Variants in SPOCK3 observed in about 807,000 individuals in gnomAD.
SPOCK3 encodes the protein testican-3.
SPOCK3 carries 30 observed loss-of-function variants against 56.6 expected under a neutral mutation model. That is an observed-to-expected ratio of 0.53 (90% CI 0.40 to 0.72). SPOCK3 has a LOEUF of 0.72. Ranked by LOEUF, SPOCK3 falls within the 30% of genes least tolerant of loss-of-function variation. SPOCK3 has a pLI of 0.00. For synonymous variants in SPOCK3, 196 were observed against 183.3 expected, an observed-to-expected ratio of 1.07 and a Z score of -0.56; for missense variants, 527 against 530.0, an observed-to-expected ratio of 0.99 and a Z score of 0.06.
At chr4:167,143,673 CAA>C (rs1483795349) in intron 2 of SPOCK3, among the ~76,000 whole-genome samples, 1 of 151,794 alleles carries the variant, frequency 6.6e-6, no homozygotes, top group Admixed American at 6.6e-5. Context: ...GCATCTTATA[CAA>C]AAAATACGGT....
chr4:166,819,359 G>A (rs1003578750), intron 6 of SPOCK3, among the ~76,000 whole-genome samples: 8 of 151,964 alleles, frequency 5.3e-5, no homozygotes, highest in Admixed American at 1.3e-4. Flanking sequence ...CATAGTGATG[G>A]GGCTTTCAGT....
intron 3 of SPOCK3, among the ~76,000 whole-genome samples, chr4:167,037,494 G>GAAA (rs34198420): frequency 2.8e-4 from 40 of 141,816 alleles, no homozygotes; most frequent in Admixed American, 1.4e-3. Flanking sequence ...AAAAGAAGAA[G>GAAA]AAAAAAAAAA....
At chr4:167,129,131 A>G (rs1216762012) in intron 2 of SPOCK3, among the ~76,000 whole-genome samples, 1 of 152,244 alleles carries the variant, frequency 6.6e-6, no homozygotes, top group East Asian at 1.9e-4. Flanking sequence ...CCTTTGAGAC[A>G]TGTAAAAGCA....
At position 166,748,899 on chromosome 4, in the gene SPOCK3, C is replaced by T. The variant is rs571763182; in HGVS notation, c.931+5609G>A. Among the ~76,000 whole-genome samples the T allele has an allele frequency of 4.4e-5, 6 of 137,830 alleles. 1 individual carries two copies. The highest frequency in any genetic ancestry group is 1.4e-4 in the Admixed American group (2 of 14,404). The allele number at this position is 137,830 out of a possible 152,430, so 90.4% of individuals were successfully genotyped here. A position where few individuals can be genotyped will look rare whatever the true frequency, so the allele number is the denominator to read the frequency against. ...GACACAGAAAAAATGCTCATCATCA[C>T]TGGCCATCAGGGAAATGCATATCAA... On this transcript the variant is annotated intron_variant, in intron 8 of 10. Transcript: ENST00000357545.
intron 4 of SPOCK3, among the ~76,000 whole-genome samples, chr4:166,920,808 A>G (rs1738397076): frequency 6.6e-6 from 1 of 152,192 alleles, no homozygotes; most frequent in South Asian, 2.1e-4. Flanking sequence ...ATTGTGAAAA[A>G]TTCTTTTAAT....
intron 2 of SPOCK3, among the ~76,000 whole-genome samples, chr4:167,190,993 T>C (rs1489515011): frequency 1.4e-5 from 2 of 145,826 alleles, no homozygotes; most frequent in African/African-American, 2.6e-5. Context: ...TCTGTTTTTA[T>C]GCCAGAACAT....
chr4:167,011,316 C>T (rs1451245511), intron 3 of SPOCK3: 5 of 455,926 alleles, frequency 1.1e-5, no homozygotes, highest in Admixed American at 9.4e-5. Context: ...GAAATGTCAT[C>T]AGTTGATTCA....
At chr4:166,789,196 A>G (rs2054143) in intron 7 of SPOCK3, among the ~76,000 whole-genome samples, 150,896 of 152,124 alleles carry the variant, frequency 0.99, 74,845 homozygotes, top group East Asian at 1. Context: ...TTGGGAAGCC[A>G]AGGCGGGCAG....
chr4:167,209,100 A>G (rs1734621531), intron 2 of SPOCK3, among the ~76,000 whole-genome samples: 1 of 152,124 alleles, frequency 6.6e-6, no homozygotes, highest in Admixed American at 6.6e-5. Context: ...CACTAAAGAC[A>G]GAAGGGCATC....
intron 4 of SPOCK3, among the ~76,000 whole-genome samples, chr4:166,955,983 C>T (rs934160051): frequency 2.6e-5 from 4 of 151,978 alleles, no homozygotes; most frequent in African/African-American, 9.7e-5. Flanking sequence ...TCTTCAATGG[C>T]TTTTGTTCCT....
chr4:166,890,767 G>A (rs951268419), intron 5 of SPOCK3, among the ~76,000 whole-genome samples: 12 of 151,872 alleles, frequency 7.9e-5, no homozygotes, highest in South Asian at 2.1e-4. Context: ...TGTCTATTAG[G>A]TCCGCTTGGT....
intron 2 of SPOCK3, among the ~76,000 whole-genome samples, chr4:167,199,400 A>G (rs141644746): frequency 7.9e-5 from 12 of 152,076 alleles, no homozygotes; most frequent in Non-Finnish European, 1.5e-4. Context: ...GCCTAACCCA[A>G]AGGTACACTC....
At chr4:166,874,046 G>A (rs117153025) in intron 6 of SPOCK3, among the ~76,000 whole-genome samples, 1 of 152,226 alleles carries the variant, frequency 6.6e-6, no homozygotes, top group East Asian at 1.9e-4. Flanking sequence ...AAATGATCTT[G>A]GGAGATTGAA....
chr4:167,226,293 C>T (rs974730491), intron 2 of SPOCK3, among the ~76,000 whole-genome samples: 1 of 152,070 alleles, frequency 6.6e-6, no homozygotes, highest in African/African-American at 2.4e-5. Flanking sequence ...TACTTACTAC[C>T]AAACTCCTAC....
chr4:167,234,391 G>A lies in SPOCK3; in HGVS notation c.-1+59C>T. ...CCAGAGGAGGAGAGGTGGGTATAAG[G>A]AAGCAAGCCCCAGCCGCAGCAGCCC... is the stretch of plus-strand genomic sequence containing the variant. On this transcript the variant is annotated intron_variant, in intron 1 of 10. Coordinates refer to ENST00000357545, the MANE Select transcript of SPOCK3 (RefSeq NM_001040159.2). 7 of 592,902 alleles carry A rather than the reference G, an allele frequency of 1.2e-5. No individual in the cohort carries two copies. The South Asian group carries it at 1.5e-4, about 12-fold the overall frequency. 36.7% of individuals were successfully genotyped at this position (592,902 alleles called of 1,614,324 possible).
At chr4:166,962,523 G>T (rs60018448) in intron 4 of SPOCK3, among the ~76,000 whole-genome samples, 8,198 of 152,124 alleles carry the variant, frequency 0.054, 717 homozygotes, top group African/African-American at 0.19. Flanking sequence ...TAGTTAACAA[G>T]AATGCCATTT....
intron 3 of SPOCK3, among the ~76,000 whole-genome samples, chr4:167,021,302 A>G (rs1055704379): frequency 2.0e-5 from 3 of 152,066 alleles, no homozygotes; most frequent in Non-Finnish European, 4.4e-5. Flanking sequence ...AATCTTATAC[A>G]CTTCAGAAAT....
intron 3 of SPOCK3, among the ~76,000 whole-genome samples, chr4:167,031,062 C>T (rs1304075533): frequency 6.6e-6 from 1 of 151,912 alleles, no homozygotes; most frequent in Admixed American, 6.6e-5. Flanking sequence ...GAGTAAACAA[C>T]CAAAAGTTAA....
At chr4:166,833,417 A>G (rs1746289588) in intron 6 of SPOCK3, among the ~76,000 whole-genome samples, 1 of 152,164 alleles carries the variant, frequency 6.6e-6, no homozygotes, top group Non-Finnish European at 1.5e-5. Flanking sequence ...CAATTTTTGT[A>G]GTATTGGTTA....
Sources: gnomAD v4.1 joint callset for allele counts (sites outside exome capture counted in the v4.1 genomes callset) on GRCh38, gnomAD v4.1.1 for gene constraint, MANE v1.5 for transcripts, NCBI Gene and HGNC (gene_info 2026-07-23, HGNC 2026-07-21) for gene names.